Variants in IRF2 observed in about 807,000 individuals in gnomAD.
IRF2 encodes the protein interferon regulatory factor 2.
IRF2 carries 15 observed loss-of-function variants against 40.6 expected under a neutral mutation model. That is an observed-to-expected ratio of 0.37 (90% CI 0.25 to 0.57). The LOEUF (loss-of-function observed/expected upper bound fraction) is 0.57, where lower values mean the gene tolerates loss of function less well. IRF2 is among the 20% of genes least tolerant of loss of function. The pLI is 0.77. For missense variants in IRF2, 317 were observed against 455.7 expected, an observed-to-expected ratio of 0.70 and a Z score of 2.77; for synonymous variants, 151 against 165.5, an observed-to-expected ratio of 0.91 and a Z score of 0.67.
chr4:184,436,004 G>T (rs1738063285), intron 1 of IRF2, among the ~76,000 whole-genome samples: 1 of 146,996 alleles, frequency 6.8e-6, no homozygotes. Flanking sequence ...TTGAGACAGA[G>T]TCTCGCTCTG....
intron 1 of IRF2, among the ~76,000 whole-genome samples, chr4:184,438,553 T>A (rs1738172871): frequency 6.6e-6 from 1 of 151,946 alleles, no homozygotes; most frequent in Non-Finnish European, 1.5e-5. Flanking sequence ...CCCGACAGTG[T>A]GTGTGCAGGT....
rs376537473 is a variant in IRF2, at chr4:184,429,179, T to G, written c.-6-109A>C. The G allele has an allele frequency of 2.3e-3, 1,111 of 493,776 alleles. 3 individuals are homozygous for G. The highest frequency in any genetic ancestry group is 0.013 in the African/African-American group (668 of 49,730). The allele number at this position is 493,776 out of a possible 1,614,324, so 30.6% of individuals were successfully genotyped here. Reference sequence around the variant, plus strand: ...CTTTCCTTCTCTCCTTTCCTGGGGCTGGGGACCAGGGGGCTGGGGGGTCGG... The same window carrying G: ...CTTTCCTTCTCTCCTTTCCTGGGGCGGGGGACCAGGGGGCTGGGGGGTCGG... On this transcript the variant is annotated intron_variant, in intron 1 of 8. Transcript: ENST00000393593.
At chr4:184,418,083 C>T (rs947790789) in intron 5 of IRF2, 84 bp downstream of exon 5, 4 of 990,864 alleles carry the variant, frequency 4.0e-6, no homozygotes, top group Non-Finnish European at 6.5e-6. Context: ...ACACTGAGGT[C>T]CTGTGACTCA....
At chr4:184,455,531 G>C (rs559396082) in intron 1 of IRF2, among the ~76,000 whole-genome samples, 2 of 151,558 alleles carry the variant, frequency 1.3e-5, no homozygotes, top group African/African-American at 2.4e-5. Flanking sequence ...GTGAGGAGGA[G>C]TCCCATCTCA....
intron 1 of IRF2, among the ~76,000 whole-genome samples, chr4:184,439,745 TA>T (rs1738230959): frequency 6.6e-6 from 1 of 152,234 alleles, no homozygotes; most frequent in African/African-American, 2.4e-5. Context: ...AGCTGCTTTA[TA>T]AAATTTACCT....
intron 6 of IRF2, among the ~76,000 whole-genome samples, chr4:184,402,789 C>T (rs1736713062): frequency 6.6e-6 from 1 of 152,128 alleles, no homozygotes; most frequent in African/African-American, 2.4e-5. Flanking sequence ...GGTGCGAGGG[C>T]TGGGGCCAGG....
intron 1 of IRF2, among the ~76,000 whole-genome samples, chr4:184,452,474 C>T (rs539576386): frequency 4.5e-4 from 68 of 152,216 alleles, no homozygotes; most frequent in African/African-American, 1.6e-3. Context: ...AAGTGCAGAC[C>T]GGGCGCAGCA....
At chr4:184,470,901 G>T (rs1739491864) in intron 1 of IRF2, among the ~76,000 whole-genome samples, 1 of 152,086 alleles carries the variant, frequency 6.6e-6, no homozygotes, top group Non-Finnish European at 1.5e-5. Context: ...ATATCATTTG[G>T]TCTCCATGGA....
At chr4:184,404,890 G>A (rs915136936) in intron 6 of IRF2, among the ~76,000 whole-genome samples, 2 of 152,180 alleles carry the variant, frequency 1.3e-5, no homozygotes, top group African/African-American at 4.8e-5. Flanking sequence ...CTTGCACCCC[G>A]TGAGAAAACA....
chr4:184,443,098 G>C (rs754837520), intron 1 of IRF2, among the ~76,000 whole-genome samples: 20 of 152,080 alleles, frequency 1.3e-4, no homozygotes, highest in African/African-American at 4.8e-5. Context: ...GTGAATTTTT[G>C]CATTTTTAGT....
chr4:184,446,822 A>T (rs934384930), intron 1 of IRF2, among the ~76,000 whole-genome samples: 2 of 152,046 alleles, frequency 1.3e-5, no homozygotes, highest in South Asian at 4.1e-4. Context: ...AGGCGTGGTG[A>T]CGGGCACCTG....
chr4:184,395,711 G>A (rs917977969), intron 7 of IRF2, among the ~76,000 whole-genome samples: 5 of 152,208 alleles, frequency 3.3e-5, no homozygotes, highest in Non-Finnish European at 7.3e-5. Context: ...CTCCCTCCAC[G>A]AGGTTCTGGA....
At chr4:184,470,560 G>T (rs1052568948) in intron 1 of IRF2, among the ~76,000 whole-genome samples, 3 of 151,920 alleles carry the variant, frequency 2.0e-5, no homozygotes, top group Non-Finnish European at 1.5e-5. Flanking sequence ...GCACGCCTGC[G>T]CACACCTGTA....
At chr4:184,415,662 C>T (rs968852405) in intron 5 of IRF2, among the ~76,000 whole-genome samples, 4 of 152,136 alleles carry the variant, frequency 2.6e-5, no homozygotes, top group Non-Finnish European at 5.9e-5. Context: ...ATCTGGCGTT[C>T]GATGGAATAC....
At chr4:184,429,278 T>C (rs1428675817) in intron 1 of IRF2, among the ~76,000 whole-genome samples, 1 of 152,190 alleles carries the variant, frequency 6.6e-6, no homozygotes, top group Non-Finnish European at 1.5e-5. Context: ...AGACACAGGA[T>C]GGTCCAGGCC....
chr4:184,437,550 C>A (rs1458361726), intron 1 of IRF2, among the ~76,000 whole-genome samples: 1 of 151,892 alleles, frequency 6.6e-6, no homozygotes, highest in Non-Finnish European at 1.5e-5. Context: ...AGGCAGCCCC[C>A]ACAAAAAATA....
chr4:184,398,533 G>GTA (rs899954012), intron 7 of IRF2, among the ~76,000 whole-genome samples: 11 of 151,924 alleles, frequency 7.2e-5, no homozygotes, highest in African/African-American at 2.7e-4. Context: ...GTGTGCGCCT[G>GTA]TAATCCCAGC....
intron 2 of IRF2, 67 bp downstream of exon 2, chr4:184,428,911 A>G (rs1309580971): frequency 3.3e-6 from 4 of 1,221,816 alleles, no homozygotes; most frequent in Non-Finnish European, 4.9e-6. Context: ...TTTTACTTTC[A>G]GCAGTCCGCA....
chr4:184,434,094 C>G (rs1307335471), intron 1 of IRF2, among the ~76,000 whole-genome samples: 1 of 152,220 alleles, frequency 6.6e-6, no homozygotes, highest in Non-Finnish European at 1.5e-5. Flanking sequence ...TATCGAAAGT[C>G]AAGGTGACAC....
Sources: allele counts gnomAD v4.1 joint callset (sites outside exome capture counted in the v4.1 genomes callset), GRCh38; gene constraint gnomAD v4.1.1; transcripts MANE v1.5; gene names NCBI Gene and HGNC (gene_info 2026-07-23, HGNC 2026-07-21).